Variants in ZNF568 observed in about 807,000 individuals in gnomAD.
The protein encoded by ZNF568 is p53 inhibitor of SCO2 activation.
A neutral mutation model predicts 18.1 loss-of-function variants in ZNF568; 11 were observed. The observed-to-expected ratio is 0.61, with a 90% CI of 0.38 to 1.00. The LOEUF (loss-of-function observed/expected upper bound fraction) is 1.00. Ranked by LOEUF, ZNF568 falls within the 50% of genes least tolerant of loss-of-function variation. The pLI is 0.01. For missense variants in ZNF568, 639 were observed against 768.2 expected, an observed-to-expected ratio of 0.83 and a Z score of 1.99; for synonymous variants, 213 against 246.6, an observed-to-expected ratio of 0.86 and a Z score of 1.28.
chr19:36,996,765 G>A (rs1288956240), exon 5 of ZNF568: 4 of 1,546,596 alleles, frequency 2.6e-6, no homozygotes, highest in Non-Finnish European at 2.6e-6. Flanking sequence ...CTCAACCTCA[G>A]AGCATTAATA....
chr19:36,993,446 C>T (rs1667356), intron 4 of ZNF568, among the ~76,000 whole-genome samples: 81,213 of 151,756 alleles, frequency 0.54, 22,232 homozygotes, highest in African/African-American at 0.62. Flanking sequence ...AATGTTTCTT[C>T]GTCTTCTGTC....
intron 4 of ZNF568, 111 bp from the exon 5 acceptor site, chr19:36,936,635 C>G: frequency 2.0e-6 from 2 of 997,498 alleles, no homozygotes; most frequent in East Asian, 5.0e-5. Context: ...TCTTCTTCTT[C>G]TAGTACTCCT....
chr19:36,983,141 T>G (rs913175796), downstream of ZNF568, among the ~76,000 whole-genome samples: 2 of 152,222 alleles, frequency 1.3e-5, no homozygotes, highest in Admixed American at 6.5e-5. Context: ...CATCCATTTA[T>G]GTAACATCTA....
At chr19:36,996,971 C>T (rs1667364) in exon 5 of ZNF568, 28,897 of 1,541,896 alleles carry the variant, frequency 0.019, 359 homozygotes, top group Middle Eastern at 0.042. Context: ...GAAAGTAAGG[C>T]GTGTGGGAAG....
At chr19:36,988,991 G>T (rs1232609657) in intron 2 of ZNF568, among the ~76,000 whole-genome samples, 1 of 152,006 alleles carries the variant, frequency 6.6e-6, no homozygotes, top group Non-Finnish European at 1.5e-5. Context: ...CCAACCTCTC[G>T]CGTTTTGTAC....
exon 8 of ZNF568, chr19:36,979,715 CTT>C (rs2074315908): frequency 6.6e-6 from 1 of 152,110 alleles, no homozygotes; most frequent in South Asian, 2.1e-4. Flanking sequence ...TTGAACTCCT[CTT>C]TTTGTATCCT....
intron 6 of ZNF568, among the ~76,000 whole-genome samples, chr19:36,960,621 G>A (rs1202004644): frequency 2.0e-5 from 3 of 151,756 alleles, no homozygotes; most frequent in Non-Finnish European, 2.9e-5. Context: ...CCAGCTACTC[G>A]GGAGGCTGAG....
At chr19:36,956,655 G>T (rs769824985), downstream of ZNF568, among the ~76,000 whole-genome samples, 6 of 151,144 alleles carry the variant, frequency 4.0e-5, no homozygotes, top group Admixed American at 6.6e-5. Flanking sequence ...TGGAGTATGT[G>T]ATGCAATCTT....
intron 7 of ZNF568, among the ~76,000 whole-genome samples, chr19:36,977,595 C>T (rs1446539804): frequency 6.6e-6 from 1 of 152,152 alleles, no homozygotes; most frequent in African/African-American, 2.4e-5. Flanking sequence ...TGTTGAATTT[C>T]TCTTCCCATT....
intron 6 of ZNF568, among the ~76,000 whole-genome samples, chr19:36,940,327 G>A (rs2073859454): frequency 6.6e-6 from 1 of 152,086 alleles, no homozygotes; most frequent in Admixed American, 6.5e-5. Context: ...TCTAATAAAT[G>A]GTCCTCAATA....
chr19:36,970,886 AT>A (rs530006296), intron 6 of ZNF568, among the ~76,000 whole-genome samples: 106 of 152,216 alleles, frequency 7.0e-4, no homozygotes, highest in African/African-American at 2.4e-3. Context: ...TTTAAATTTC[AT>A]TAGAAAATCT....
At chr19:36,990,839 T>G (rs1029496546) in intron 2 of ZNF568, among the ~76,000 whole-genome samples, 1 of 152,182 alleles carries the variant, frequency 6.6e-6, no homozygotes, top group Non-Finnish European at 1.5e-5. Flanking sequence ...AATGAGAAGT[T>G]TGTGTGCTTA....
chr19:36,936,645 T>G, intron 4 of ZNF568, 101 bp from the exon 5 acceptor site: 1 of 1,144,984 alleles, frequency 8.7e-7, no homozygotes, highest in Non-Finnish European at 1.2e-6. Context: ...CTAGTACTCC[T>G]ACCTCTGACC....
At chr19:36,963,329 T>C (rs572874425) in intron 6 of ZNF568, among the ~76,000 whole-genome samples, 1 of 152,326 alleles carries the variant, frequency 6.6e-6, no homozygotes, top group East Asian at 1.9e-4. Context: ...GCTTGATAAA[T>C]GATGGAAATA....
chr19:36,968,390 T>A (rs550017), intron 6 of ZNF568, among the ~76,000 whole-genome samples: 54,354 of 151,288 alleles, frequency 0.36, 10,027 homozygotes, highest in African/African-American at 0.41. Flanking sequence ...CTGGCCAACA[T>A]GGTGAAACCC....
intron 4 of ZNF568, among the ~76,000 whole-genome samples, chr19:36,927,071 G>A (rs1479988126): frequency 6.6e-6 from 1 of 152,046 alleles, no homozygotes; most frequent in African/African-American, 2.4e-5. Context: ...TCAGTATTAG[G>A]ACTTAGGATT....
At chr19:36,932,496 A>G (rs1395646501) in intron 4 of ZNF568, among the ~76,000 whole-genome samples, 1 of 152,168 alleles carries the variant, frequency 6.6e-6, no homozygotes, top group Non-Finnish European at 1.5e-5. Flanking sequence ...AAGCTGAGGC[A>G]GGAGAATCAC....
chr19:36,947,012 T>TTGTC lies in ZNF568; in HGVS notation c.359-2497_359-2496insCTGT, dbSNP rs2073978757. ...GATCAGAACCTAGAAGATTTTTTGT[T>TTGTC]TGTTTGTTTGTTTGTTTGTTTGAGA... On this transcript the variant is annotated intron_variant, in intron 6 of 6. Coordinates refer to ENST00000333987, the MANE Select transcript of ZNF568 (RefSeq NM_198539.4). Among the ~76,000 whole-genome samples the TTGTC allele has an allele frequency of 4.7e-5, 7 of 150,342 alleles. No homozygotes were observed. In the South Asian group the frequency reaches 1.5e-3, roughly 32 times the overall value.
chr19:36,946,744 C>T (rs1036440659), intron 6 of ZNF568, among the ~76,000 whole-genome samples: 2 of 149,440 alleles, frequency 1.3e-5, no homozygotes, highest in African/African-American at 4.9e-5. Context: ...CCTCCGCCTC[C>T]CAGGTTCACG....
Sources: allele counts gnomAD v4.1 joint callset (sites outside exome capture counted in the v4.1 genomes callset), GRCh38; gene constraint gnomAD v4.1.1; transcripts MANE v1.5; gene names NCBI Gene and HGNC (gene_info 2026-07-23, HGNC 2026-07-21).